The following UGT1A4 variants were observed in gnomAD, a reference collection of about 807,000 sequenced individuals.
UGT1A4 encodes UDP-glucuronosyltransferase 1A4.
A neutral mutation model predicts 41.1 loss-of-function variants in UGT1A4; 32 were observed. The observed-to-expected ratio is 0.78, with a 90% CI of 0.59 to 1.05. The LOEUF (loss-of-function observed/expected upper bound fraction) is 1.05, where lower values mean the gene tolerates loss of function less well. Ranked by LOEUF, UGT1A4 falls within the 50% of genes least tolerant of loss-of-function variation. The pLI is 0.00. For synonymous variants in UGT1A4, 283 were observed against 265.1 expected (o/e 1.07, Z -0.66); for missense variants, 748 against 677.4 (o/e 1.10, Z -1.16).
chr2:233,768,305 G>C lies in UGT1A4; in HGVS notation c.1173G>C (p.Met391Ile). The change falls in exon 4 of 5, where the codon ATG (methionine) becomes ATC (isoleucine). Residue 391 changes from methionine (M) to isoleucine (I), a missense_variant. Coordinates refer to ENST00000373409, the MANE Select transcript of UGT1A4 (RefSeq NM_007120.3). ...ESICNGVPMV[M>I]MPLFGDQMDN... ...TATGCAATGGCGTTCCCATGGTGAT[G>C]ATGCCCTTGTTTGGTGATCAGATGG... 1 of 1,614,202 alleles carries C rather than the reference G, an allele frequency of 6.2e-7. No individual in the cohort carries two copies. The highest frequency in any genetic ancestry group is 8.5e-7 in the Non-Finnish European group (1 of 1,180,040).
intron 1 of UGT1A4, chr2:233,743,102 G>A: frequency 5.7e-6 from 2 of 353,898 alleles, no homozygotes; most frequent in Non-Finnish European, 1.1e-5. Flanking sequence ...CTTGGGTACA[G>A]CTGTTCTGAA....
Position 233,760,233 on chromosome 2 carries a change from C to CATATAT in UGT1A4, c.868-6791_868-6786dup, listed in dbSNP as rs3064744. 17 of 1,510,056 alleles carry CATATAT rather than the reference C, an allele frequency of 1.1e-5. No individual in the cohort carries two copies. The African/African-American group carries it at 1.9e-4, about 17-fold the overall frequency. The allele number at this position is 1,510,056 out of a possible 1,614,324, so 93.5% of individuals were successfully genotyped here. On this transcript the variant is annotated intron_variant, in intron 1 of 4. Coordinates refer to ENST00000373409, the MANE Select transcript of UGT1A4 (RefSeq NM_007120.3). ...ACTTGGTGTATCGATTGGTTTTTGC[C>CATATAT]ATATATATATATATAAGTAGGAGAG...
Position 233,729,755 on chromosome 2 carries a change from G to T in UGT1A4, c.867+10068G>T, listed in dbSNP as rs2077920089. 1 of 1,613,802 alleles carries T rather than the reference G, an allele frequency of 6.2e-7. No homozygotes were observed. The highest frequency in any genetic ancestry group is 8.5e-7 in the Non-Finnish European group (1 of 1,179,862). On this transcript the variant is annotated intron_variant, in intron 1 of 4. Transcript: ENST00000373409. ...TCAGACCACATGACATTCATGCAAA[G>T]GGTCAAGAACATGCTCTACCCTCTG...
At chr2:233,738,575 G>GGA (rs1690841736) in intron 1 of UGT1A4, among the ~76,000 whole-genome samples, 1 of 152,198 alleles carries the variant, frequency 6.6e-6, no homozygotes, top group African/African-American at 2.4e-5. Flanking sequence ...GTTGAGAACT[G>GGA]GAGCAAAGGT....
chr2:233,729,342 G>T (rs368262266), intron 1 of UGT1A4: 19 of 1,614,080 alleles, frequency 1.2e-5, no homozygotes, highest in Admixed American at 6.7e-5. Context: ...TCAAAGAAGA[G>T]AACTTTTTCA....
rs1162609742 is a variant in UGT1A4 at position 233,768,299 on chromosome 2, G to A, written c.1167G>A (p.Met389Ile). ...AAAGCATATGCAATGGCGTTCCCAT[G>A]GTGATGATGCCCTTGTTTGGTGATC... ...VYESICNGVP[M>I]VMMPLFGDQM... Residue 389 changes from methionine to isoleucine, a missense_variant, in exon 4 of 5, where the codon ATG becomes ATA. Coordinates refer to ENST00000373409, the MANE Select transcript of UGT1A4 (RefSeq NM_007120.3). The A allele has an allele frequency of 2.5e-6, 4 of 1,614,176 alleles. No individual in the cohort carries two copies. The highest frequency in any genetic ancestry group is 2.7e-5 in the African/African-American group (2 of 75,038).
chr2:233,724,658 G>C lies in UGT1A4; in HGVS notation c.867+4971G>C, dbSNP rs1029278749. 3.5e-5 allele frequency among the ~76,000 whole-genome samples: 5 copies of C among 142,980 alleles called. 1 individual carries two copies. Among genetic ancestry groups the C allele is most frequent in the African/African-American group, 1.3e-4 (5 of 37,636 alleles). 93.8% of individuals were successfully genotyped at this position (142,980 alleles called of 152,430 possible). On this transcript the variant is annotated intron_variant, in intron 1 of 4. Coordinates refer to ENST00000373409, the MANE Select transcript of UGT1A4 (RefSeq NM_007120.3). ...GATGTGATGGCGGCTGGGAAGAGGC[G>C]CTCCTCACTTCCTAGATGGGATGGC...
intron 1 of UGT1A4, among the ~76,000 whole-genome samples, chr2:233,756,741 C>T (rs1366742518): frequency 6.6e-6 from 1 of 152,100 alleles, no homozygotes; most frequent in Admixed American, 6.6e-5. Context: ...TTCACCTCCT[C>T]CTTATTCTCT....
chr2:233,765,409 TGG>T (rs1441721232), intron 1 of UGT1A4, among the ~76,000 whole-genome samples: 3 of 152,208 alleles, frequency 2.0e-5, no homozygotes, highest in African/African-American at 7.2e-5. Flanking sequence ...ATATACACCA[TGG>T]AATACTATGC....
At chr2:233,748,116 G>A in intron 1 of UGT1A4, 1 of 1,611,622 alleles carries the variant, frequency 6.2e-7, no homozygotes, top group Admixed American at 1.7e-5. Flanking sequence ...AATGTTCCAG[G>A]CAAAACAGTT....
At position 233,772,409 on chromosome 2, in the gene UGT1A4, C is replaced by T. The variant is rs147132183; in HGVS notation, c.1455C>T (p.Tyr485=). The part of the protein sequence containing the change: ...LRPAAHDLTW[Y]QYHSLDVIGF... ...CCGCAGCCCACGACCTCACCTGGTA[C>T]CAGTACCATTCCTTGGACGTGATTG... is the stretch of plus-strand genomic sequence containing the variant. Residue 485 remains tyrosine (Y), a synonymous_variant, in exon 5 of 5, where the codon TAC becomes TAT. Coordinates refer to ENST00000373409, the MANE Select transcript of UGT1A4 (RefSeq NM_007120.3). 8.1e-6 allele frequency: 13 copies of T among 1,614,110 alleles called. No homozygotes were observed. In the African/African-American group the frequency reaches 1.2e-4, roughly 15 times the overall value.
chr2:233,754,116 G>C (rs1358690649), intron 1 of UGT1A4, among the ~76,000 whole-genome samples: 1 of 152,172 alleles, frequency 6.6e-6, no homozygotes, highest in Non-Finnish European at 1.5e-5. Flanking sequence ...TACATCACGA[G>C]CATTTATGTG....
intron 1 of UGT1A4, among the ~76,000 whole-genome samples, chr2:233,757,535 A>AATATATATACATATATATAT (rs376887521): frequency 1.4e-3 from 127 of 87,896 alleles, no homozygotes; most frequent in Non-Finnish European, 1.8e-3. Context: ...GCCTGTAAGG[A>AATATATATACATATATATAT]ATATATATAT....
chr2:233,728,803 A>T (rs1389677112), intron 1 of UGT1A4, among the ~76,000 whole-genome samples: 1 of 152,188 alleles, frequency 6.6e-6, no homozygotes, highest in Non-Finnish European at 1.5e-5. Flanking sequence ...GAGAAGTAGG[A>T]GACAGTGACA....
At chr2:233,720,954 GC>G (rs1192605512) in intron 1 of UGT1A4, among the ~76,000 whole-genome samples, 1 of 149,064 alleles carries the variant, frequency 6.7e-6, no homozygotes, top group Non-Finnish European at 1.5e-5. Flanking sequence ...CATGTGATCT[GC>G]CCGCCTCGGC....
At chr2:233,747,331 C>T in intron 1 of UGT1A4, 1 of 1,603,324 alleles carries the variant, frequency 6.2e-7, no homozygotes. Flanking sequence ...TGATGGCAGC[C>T]ACTGGCTCGC....
At chr2:233,737,640 G>A (rs1245829598) in intron 1 of UGT1A4, among the ~76,000 whole-genome samples, 6 of 152,138 alleles carry the variant, frequency 3.9e-5, no homozygotes, top group African/African-American at 7.2e-5. Context: ...CTTCTGCGTC[G>A]ATCATGCTGG....
intron 1 of UGT1A4, chr2:233,729,207 G>C (rs6706232): frequency 6.2e-7 from 1 of 1,613,766 alleles, no homozygotes; most frequent in Non-Finnish European, 8.5e-7. Flanking sequence ...CCTGGGCTGA[G>C]AGTGGAAAGG....
intron 1 of UGT1A4, chr2:233,740,766 G>T (rs189465133): frequency 6.6e-6 from 1 of 151,710 alleles, no homozygotes; most frequent in Admixed American, 6.5e-5. Context: ...TTATCAAACC[G>T]TTGTATAAAA....
Sources: gnomAD v4.1 joint callset for allele counts (sites outside exome capture counted in the v4.1 genomes callset) on GRCh38, gnomAD v4.1.1 for gene constraint, MANE v1.5 for transcripts, NCBI Gene and HGNC (gene_info 2026-07-23, HGNC 2026-07-21) for gene names.